Variants in GRIA1 observed in about 807,000 individuals in gnomAD.
The protein encoded by GRIA1 is glutamate ionotropic receptor AMPA type subunit 1.
A neutral mutation model predicts 99.2 loss-of-function variants in GRIA1; 31 were observed. The ratio of observed to expected loss-of-function variants is 0.31; its 90% CI spans 0.23 to 0.42. The LOEUF (loss-of-function observed/expected upper bound fraction) is 0.42. GRIA1 is among the 10% of genes least tolerant of loss of function. The probability of loss-of-function intolerance (pLI) is 1.00; values close to 1 mark genes in which losing one functional copy is unlikely to be tolerated. For synonymous variants in GRIA1, 438 were observed against 432.4 expected (o/e 1.01, Z -0.16); for missense variants, 782 against 1,157.5 (o/e 0.68, Z 4.71).
chr5:153,520,549 C>A (rs115324829), intron 2 of GRIA1, among the ~76,000 whole-genome samples: 1 of 152,182 alleles, frequency 6.6e-6, no homozygotes, highest in East Asian at 1.9e-4. Context: ...TTAAAATTGT[C>A]TTTGTGGGGG....
chr5:153,699,994 A>G (rs1216993106), intron 10 of GRIA1, among the ~76,000 whole-genome samples: 1 of 152,248 alleles, frequency 6.6e-6, no homozygotes, highest in East Asian at 1.9e-4. Context: ...AAGGTAGTAT[A>G]GAATAAGGAG....
chr5:153,661,137 C>A lies in GRIA1; in HGVS notation c.699+5265C>A, dbSNP rs184196301. On this transcript the variant is annotated intron_variant, in intron 5 of 15. Transcript: ENST00000285900. ...TGCTCCCCTGTGGTGATAAATCTGT[C>A]AGCTCCTTCTGCAAAGCTGAGCTCA... 6.6e-5 allele frequency among the ~76,000 whole-genome samples: 10 copies of A among 152,312 alleles called. No individual in the cohort carries two copies. The East Asian group carries it at 1.9e-3, about 29-fold the overall frequency.
intron 2 of GRIA1, among the ~76,000 whole-genome samples, chr5:153,532,900 G>A (rs1471947474): frequency 6.6e-6 from 1 of 152,130 alleles, no homozygotes; most frequent in Non-Finnish European, 1.5e-5. Context: ...TAGGTGTATG[G>A]CAAGGACTGA....
At chr5:153,801,159 C>A (rs1283185860) in intron 14 of GRIA1, among the ~76,000 whole-genome samples, 1 of 152,262 alleles carries the variant, frequency 6.6e-6, no homozygotes, top group African/African-American at 2.4e-5. Context: ...TGAGCCATTA[C>A]CTCTCACCAT....
chr5:153,741,877 T>C (rs1201917023), intron 11 of GRIA1, among the ~76,000 whole-genome samples: 2 of 151,712 alleles, frequency 1.3e-5, no homozygotes, highest in African/African-American at 4.9e-5. Flanking sequence ...GAAAACATTT[T>C]GTAAGAGGAT....
intron 11 of GRIA1, among the ~76,000 whole-genome samples, chr5:153,763,587 A>G (rs72804611): frequency 0.055 from 8,366 of 152,262 alleles, 294 homozygotes; most frequent in Non-Finnish European, 0.074. Context: ...ACCACATAAA[A>G]TCACCACAAG....
chr5:153,771,403 C>A (rs953046241), intron 13 of GRIA1, among the ~76,000 whole-genome samples: 1 of 152,162 alleles, frequency 6.6e-6, no homozygotes, highest in Admixed American at 6.5e-5. Context: ...CTGGGTCTAC[C>A]TCTGCCTCCA....
At chr5:153,592,505 C>A (rs1764060479) in intron 2 of GRIA1, among the ~76,000 whole-genome samples, 1 of 152,180 alleles carries the variant, frequency 6.6e-6, no homozygotes, top group African/African-American at 2.4e-5. Context: ...GTTGGTAGGA[C>A]AAGGACATTT....
At chr5:153,718,136 C>A (rs1327037525) in intron 11 of GRIA1, among the ~76,000 whole-genome samples, 1 of 152,184 alleles carries the variant, frequency 6.6e-6, no homozygotes, top group Non-Finnish European at 1.5e-5. Flanking sequence ...AGCATTATGG[C>A]AGATTTAAAG....
chr5:153,529,650 G>A (rs763326340), intron 2 of GRIA1, among the ~76,000 whole-genome samples: 6 of 152,138 alleles, frequency 3.9e-5, no homozygotes, highest in Non-Finnish European at 4.4e-5. Context: ...GAGAAGAAAC[G>A]TGCAGGATTG....
intron 11 of GRIA1, among the ~76,000 whole-genome samples, chr5:153,744,400 T>C (rs1762014680): frequency 1.3e-5 from 2 of 152,242 alleles, no homozygotes; most frequent in Non-Finnish European, 2.9e-5. Context: ...CCTGTAAGAA[T>C]TATGGATGTA....
At chr5:153,648,029 G>A (rs1280412502) in intron 3 of GRIA1, among the ~76,000 whole-genome samples, 2 of 152,162 alleles carry the variant, frequency 1.3e-5, no homozygotes, top group Non-Finnish European at 2.9e-5. Context: ...TTCACTACTG[G>A]TGTAAACAAA....
At chr5:153,741,128 C>CA (rs907046945) in intron 11 of GRIA1, among the ~76,000 whole-genome samples, 4 of 152,048 alleles carry the variant, frequency 2.6e-5, no homozygotes, top group Non-Finnish European at 5.9e-5. Context: ...AGGCACCTGC[C>CA]ACCACTCCTG....
chr5:153,697,890 A>C (rs1396010603), intron 8 of GRIA1, among the ~76,000 whole-genome samples, 154 bp from the exon 9 acceptor site: 1 of 152,138 alleles, frequency 6.6e-6, no homozygotes, highest in East Asian at 1.9e-4. Context: ...TGTGCTTCTT[A>C]TTATTTCTGT....
At position 153,777,994 on chromosome 5, in the gene GRIA1, A is replaced by T. The variant is rs542146305; in HGVS notation, c.2270+7579A>T. 3.5e-4 allele frequency among the ~76,000 whole-genome samples: 54 copies of T among 152,298 alleles called. No individual in the cohort carries two copies. The South Asian group carries it at 1.0e-2, about 28-fold the overall frequency. On this transcript the variant is annotated intron_variant, in intron 13 of 15. Transcript: ENST00000285900. The stretch of plus-strand genomic sequence containing the variant: ...AACTCTGTGACCCAGGTCGGGCCTG[A>T]TCAGAGACAAAGCCCTCTGAGTGGA...
In GRIA1 at chr5:153,811,388, A is replaced by C; in HGVS notation, c.*163A>C. The C allele has an allele frequency of 1.7e-6, 1 of 603,352 alleles. No individual in the cohort carries two copies. The highest frequency in any genetic ancestry group is 3.0e-6 in the Non-Finnish European group (1 of 335,738). The allele number at this position is 603,352 out of a possible 1,614,324, so 37.4% of individuals were successfully genotyped here. On this transcript the variant is annotated 3_prime_UTR_variant, in exon 16 of 16. Coordinates refer to ENST00000285900, the MANE Select transcript of GRIA1 (RefSeq NM_000827.4). ...GGTTTTCCTGAAGAATTGAAAAACC[A>C]TTTTGCTGTCCCTTTTCCTTTTTTG... is the stretch of plus-strand genomic sequence containing the variant.
At chr5:153,513,398 G>A (rs577404490) in intron 2 of GRIA1, among the ~76,000 whole-genome samples, 11 of 152,142 alleles carry the variant, frequency 7.2e-5, no homozygotes, top group South Asian at 2.1e-4. Flanking sequence ...GAATTCCCCC[G>A]CCAACGCAGA....
intron 2 of GRIA1, among the ~76,000 whole-genome samples, chr5:153,532,047 T>C (rs1758141108): frequency 6.6e-6 from 1 of 152,174 alleles, no homozygotes; most frequent in South Asian, 2.1e-4. Context: ...GCTTTTTATT[T>C]CTATCCAGAG....
At chr5:153,695,890 C>T (rs999612923) in intron 8 of GRIA1, among the ~76,000 whole-genome samples, 2 of 152,236 alleles carry the variant, frequency 1.3e-5, no homozygotes, top group African/African-American at 4.8e-5. Flanking sequence ...TGCATTCATT[C>T]TGTCCACAAA....
Sources: gnomAD v4.1 joint callset for allele counts (sites outside exome capture counted in the v4.1 genomes callset) on GRCh38, gnomAD v4.1.1 for gene constraint, MANE v1.5 for transcripts, NCBI Gene and HGNC (gene_info 2026-07-23, HGNC 2026-07-21) for gene names.